FBXL7: variants seen among roughly 807,000 people sequenced by gnomAD.
FBXL7 encodes the protein F-box/LRR-repeat protein 7.
In FBXL7, 12 loss-of-function variants were observed where a neutral mutation model predicts 38.3. That is an observed-to-expected ratio of 0.31 (90% confidence interval 0.20 to 0.51). The LOEUF is 0.51. Ranked by LOEUF, FBXL7 falls within the 20% of genes least tolerant of loss-of-function variation. The pLI is 0.98. For synonymous variants in FBXL7, 297 were observed against 300.9 expected (o/e 0.99, Z 0.13); for missense variants, 567 against 676.4 (o/e 0.84, Z 1.79).
intron 2 of FBXL7, among the ~76,000 whole-genome samples, chr5:15,918,381 C>T (rs927937772): frequency 4.6e-5 from 7 of 152,272 alleles, no homozygotes; most frequent in Admixed American, 6.5e-5. Context: ...AATCTTTATT[C>T]GGACAGAAAT....
chr5:15,654,253 A>G (rs1378486222), intron 2 of FBXL7, among the ~76,000 whole-genome samples: 2 of 152,196 alleles, frequency 1.3e-5, no homozygotes, highest in African/African-American at 4.8e-5. Flanking sequence ...AAAGTTGGCA[A>G]CTGATGGAAT....
At chr5:15,547,578 C>T (rs958547890) in intron 1 of FBXL7, among the ~76,000 whole-genome samples, 1 of 152,118 alleles carries the variant, frequency 6.6e-6, no homozygotes, top group African/African-American at 2.4e-5. Flanking sequence ...GCTGGTTGCT[C>T]CAGAAAGGGG....
intron 2 of FBXL7, among the ~76,000 whole-genome samples, chr5:15,631,274 T>C (rs1280572616): frequency 6.6e-6 from 1 of 152,264 alleles, no homozygotes; most frequent in Non-Finnish European, 1.5e-5. Context: ...TTGAATTATA[T>C]GTATATGTTG....
chr5:15,633,390 A>G (rs145271330), intron 2 of FBXL7, among the ~76,000 whole-genome samples: 62 of 152,254 alleles, frequency 4.1e-4, no homozygotes, highest in Middle Eastern at 6.8e-3. Flanking sequence ...CAATGTTTCT[A>G]TTTCCCATCC....
intron 2 of FBXL7, among the ~76,000 whole-genome samples, chr5:15,671,788 C>T (rs1344984469): frequency 1.3e-5 from 2 of 152,110 alleles, no homozygotes; most frequent in Non-Finnish European, 2.9e-5. Context: ...TAGATGATTT[C>T]GTTCATTTAA....
chr5:15,872,930 C>A (rs1017020743), intron 2 of FBXL7, among the ~76,000 whole-genome samples: 1 of 142,096 alleles, frequency 7.0e-6, no homozygotes, highest in African/African-American at 2.5e-5. Context: ...ACCAAGTGGA[C>A]CTAATAGACA....
chr5:15,740,480 A>C (rs1225693073), intron 2 of FBXL7, among the ~76,000 whole-genome samples: 1 of 152,180 alleles, frequency 6.6e-6, no homozygotes, highest in African/African-American at 2.4e-5. Context: ...TCCCCCATTC[A>C]GGCACAGAGC....
At chr5:15,525,916 T>A (rs1737239379) in intron 1 of FBXL7, among the ~76,000 whole-genome samples, 1 of 152,170 alleles carries the variant, frequency 6.6e-6, no homozygotes, top group African/African-American at 2.4e-5. Context: ...TGCCTCCTGC[T>A]GTTATAGAGC....
chr5:15,578,193 G>C (rs1010563820), intron 1 of FBXL7, among the ~76,000 whole-genome samples: 4 of 152,160 alleles, frequency 2.6e-5, no homozygotes, highest in African/African-American at 9.7e-5. Context: ...TGGGAGAATA[G>C]AGAAATTTCT....
intron 1 of FBXL7, among the ~76,000 whole-genome samples, chr5:15,540,779 G>T (rs748687647): frequency 6.6e-6 from 1 of 152,116 alleles, no homozygotes; most frequent in Admixed American, 6.5e-5. Flanking sequence ...GTATCTGCAC[G>T]TGGTGGAAAT....
intron 2 of FBXL7, among the ~76,000 whole-genome samples, chr5:15,637,201 A>G (rs184502475): frequency 9.2e-5 from 14 of 152,368 alleles, no homozygotes; most frequent in Admixed American, 6.5e-4. Flanking sequence ...TTCTAGTCAT[A>G]TAACGGTGGA....
intron 2 of FBXL7, among the ~76,000 whole-genome samples, chr5:15,773,378 T>TC (rs1736779308): frequency 6.6e-6 from 1 of 152,184 alleles, no homozygotes; most frequent in Non-Finnish European, 1.5e-5. Flanking sequence ...GTGTTGTGGC[T>TC]CATGCCTTTA....
intron 1 of FBXL7, among the ~76,000 whole-genome samples, chr5:15,568,525 C>G (rs1738662632): frequency 1.3e-5 from 2 of 151,620 alleles, no homozygotes; most frequent in Admixed American, 1.3e-4. Flanking sequence ...AAAATTTTCT[C>G]CCATTTTGTA....
At position 15,715,235 on chromosome 5, in the gene FBXL7, G is replaced by T. The variant is rs562372522; in HGVS notation, c.127+99163G>T. ...AGGACAGGCATGGTGGCTCATGCCT[G>T]TAATCCCAGCACTTTGGGAGGCCGA... On this transcript the variant is annotated intron_variant, in intron 2 of 3. Transcript: ENST00000504595. Among the ~76,000 whole-genome samples the T allele has an allele frequency of 3.5e-4, 53 of 152,158 alleles. 1 individual carries two copies. The highest frequency in any genetic ancestry group is 1.3e-3 in the African/African-American group (52 of 41,522).
intron 1 of FBXL7, among the ~76,000 whole-genome samples, chr5:15,503,557 C>T (rs1349255274): frequency 6.6e-6 from 1 of 152,224 alleles, no homozygotes; most frequent in East Asian, 1.9e-4. Flanking sequence ...TGTAACCAAT[C>T]TTGCTGTTTT....
intron 2 of FBXL7, among the ~76,000 whole-genome samples, chr5:15,617,167 A>C (rs1051049621): frequency 6.6e-6 from 1 of 152,218 alleles, no homozygotes; most frequent in African/African-American, 2.4e-5. Flanking sequence ...TGCTTCAAGT[A>C]GCAAAGAATT....
At chr5:15,804,455 T>C in intron 2 of FBXL7, among the ~76,000 whole-genome samples, 1 of 152,144 alleles carries the variant, frequency 6.6e-6, no homozygotes, top group Non-Finnish European at 1.5e-5. Flanking sequence ...GACAACAAAA[T>C]GAGACCTTGT....
At chr5:15,734,891 C>T (rs1044405614) in intron 2 of FBXL7, among the ~76,000 whole-genome samples, 2 of 152,142 alleles carry the variant, frequency 1.3e-5, no homozygotes, top group African/African-American at 4.8e-5. Context: ...AGGGCCTTGC[C>T]TCCTTTGTAC....
rs571563114 is a variant in FBXL7, at chr5:15,799,581, C to T, written c.128-128309C>T. 2.6e-5 allele frequency among the ~76,000 whole-genome samples: 4 copies of T among 152,186 alleles called. No individual in the cohort carries two copies. The East Asian group carries it at 5.8e-4, about 22-fold the overall frequency. On this transcript the variant is annotated intron_variant, in intron 2 of 3. Transcript: ENST00000504595. The stretch of plus-strand genomic sequence containing the variant: ...TTGTCCACATTGGTCAGGCTGGTCT[C>T]GAACTCCCAACCTCAGGTGATCCAC...
Sources: gnomAD v4.1 joint callset for allele counts (sites outside exome capture counted in the v4.1 genomes callset) on GRCh38, gnomAD v4.1.1 for gene constraint, MANE v1.5 for transcripts, NCBI Gene and HGNC (gene_info 2026-07-23, HGNC 2026-07-21) for gene names.